Variants in FUNDC1 observed in about 807,000 individuals in gnomAD.
The protein encoded by FUNDC1 is FUN14 domain containing 1, also known as FUN14 domain-containing protein 1.
Under a neutral mutation model 14.5 loss-of-function variants are expected in FUNDC1, and 10 were observed. The ratio of observed to expected loss-of-function variants is 0.69; its 90% CI spans 0.43 to 1.17. The LOEUF is 1.17. FUNDC1 is among the 50% of genes most tolerant of loss of function. The pLI is 0.00. For synonymous variants in FUNDC1, 33 were observed against 39.7 expected (o/e 0.83, Z 0.64); for missense variants, 115 against 113.8 (o/e 1.01, Z -0.05).
In FUNDC1 at chrX:44,542,053, T is replaced by C; in HGVS notation, c.77A>G (p.Tyr26Cys). 1.7e-6 allele frequency: 2 copies of C among 1,205,098 alleles called. No individual in the cohort carries two copies. The highest frequency in any genetic ancestry group is 2.2e-6 in the Non-Finnish European group (2 of 889,982). Reference sequence around the variant, plus strand: ...ATTCCACCACTGGTGTCTTCTTGCATACTCAGTTAAATCCAACACTTCATA... The same window carrying C: ...ATTCCACCACTGGTGTCTTCTTGCACACTCAGTTAAATCCAACACTTCATA... The part of the protein sequence containing the change: ...DSYEVLDLTE[Y>C]ARRHQWWNRV... Residue 26 changes from tyrosine (Y) to cysteine (C), a missense_variant, in exon 2 of 5, where the codon TAT (tyrosine) becomes TGT (cysteine). Coordinates refer to ENST00000378045, the MANE Select transcript of FUNDC1 (RefSeq NM_173794.4).
intron 2 of FUNDC1, among the ~76,000 whole-genome samples, chrX:44,539,555 A>G (rs1241955630): frequency 8.9e-6 from 1 of 112,048 alleles, no homozygotes; most frequent in African/African-American, 3.2e-5. Context: ...AGAGAAACAT[A>G]AAACAGATTT....
chrX:44,540,414 T>TTGTGTG (rs367975882), intron 2 of FUNDC1, among the ~76,000 whole-genome samples: 4,771 of 96,553 alleles, frequency 0.049, 138 homozygotes, highest in Non-Finnish European at 0.073. Context: ...AATGTGTGTG[T>TTGTGTG]TGTGTGTGTG....
rs2038906432 is a variant in FUNDC1 at position 44,527,281 on chromosome X, G to A, written c.346C>T (p.Arg116Ter). 3.4e-6 allele frequency: 4 copies of A among 1,190,517 alleles called. No individual in the cohort carries two copies. Among genetic ancestry groups the A allele is most frequent in the Non-Finnish European group, 3.4e-6 (3 of 884,048 alleles). The change falls in exon 4 of 5, where the codon CGA (arginine) becomes TGA (stop). Residue 116 changes from arginine to a stop codon, truncating the protein, a stop_gained. Transcript: ENST00000378045. LOFTEE classifies it high-confidence loss of function. ...VNKAKRQIKK[R>*]ANKAAPEINN... Reference sequence around the variant, plus strand: ...ATTTCAGGTGCTGCTTTGTTCGCTCGTTTCTTAATCTGTCTTTTTGCTTTA... The same window carrying A: ...ATTTCAGGTGCTGCTTTGTTCGCTCATTTCTTAATCTGTCTTTTTGCTTTA...
At position 44,524,255 on chromosome X, in the gene FUNDC1, C is replaced by T. The variant is rs2038892588; in HGVS notation, c.411G>A (p.Gln137=). The change falls in exon 5 of 5, where the codon CAG becomes CAA. Residue 137 remains glutamine, a synonymous_variant. Transcript: ENST00000378045. Reference sequence around the variant, plus strand: ...CAAATCCACTGGATATCACAATGTTCTGCTTGATAAATTCTGTTGCCTGAA... The same window carrying T: ...CAAATCCACTGGATATCACAATGTTTTGCTTGATAAATTCTGTTGCCTGAA... ...LIEEATEFIK[Q]NIVISSGFVG... 3 of 1,203,234 alleles carry T rather than the reference C, an allele frequency of 2.5e-6. No homozygotes were observed. In the East Asian group the frequency reaches 8.9e-5, roughly 36 times the overall value.
At chrX:44,541,409 T>G (rs2038970810) in intron 2 of FUNDC1, among the ~76,000 whole-genome samples, 1 of 111,584 alleles carries the variant, frequency 9.0e-6, no homozygotes, top group Non-Finnish European at 1.9e-5. Flanking sequence ...AAACACAGAA[T>G]TAACGTTCTA....
chrX:44,538,045 G>A (rs1431475145), intron 3 of FUNDC1, among the ~76,000 whole-genome samples: 2 of 112,473 alleles, frequency 1.8e-5, no homozygotes, highest in African/African-American at 6.5e-5. Context: ...GCAATGGCAC[G>A]ATCTCGGCTC....
intron 3 of FUNDC1, among the ~76,000 whole-genome samples, chrX:44,530,979 C>T (rs1408862864): frequency 1.8e-5 from 2 of 109,881 alleles, no homozygotes; most frequent in East Asian, 5.7e-4. Context: ...CGGTTGCTCA[C>T]GCCTATAATC....
chrX:44,530,410 A>G (rs1028259151), intron 3 of FUNDC1, among the ~76,000 whole-genome samples: 2 of 110,888 alleles, frequency 1.8e-5, no homozygotes, highest in African/African-American at 6.6e-5. Context: ...GTTCAAGACC[A>G]GCCTGGCCAA....
intron 3 of FUNDC1, among the ~76,000 whole-genome samples, chrX:44,536,748 G>A (rs995709865): frequency 5.4e-5 from 6 of 111,517 alleles, no homozygotes; most frequent in Admixed American, 1.9e-4. Context: ...AAAAATGGGG[G>A]TAGTGAGAGA....
chrX:44,535,669 C>CAAAAA (rs1224864816), intron 3 of FUNDC1, among the ~76,000 whole-genome samples: 15 of 32,256 alleles, frequency 4.7e-4, no homozygotes, highest in African/African-American at 1.1e-3. Flanking sequence ...GACTCTGTCT[C>CAAAAA]AAAAAAAAAA....
chrX:44,542,460 G>A (rs191997359), intron 1 of FUNDC1, among the ~76,000 whole-genome samples: 135 of 111,228 alleles, frequency 1.2e-3, no homozygotes, highest in Non-Finnish European at 2.2e-3. Flanking sequence ...TGGGGGTGGG[G>A]AGGGGTCCTC....
At chrX:44,527,190 A>T (rs1166991782) in intron 4 of FUNDC1, 47 bp downstream of exon 4, 31 of 1,046,697 alleles carry the variant, frequency 3.0e-5, no homozygotes, top group Non-Finnish European at 3.8e-5. Flanking sequence ...CCCATTAACC[A>T]AAAAAAGGAA....
At chrX:44,539,675 A>T (rs73633295) in intron 2 of FUNDC1, among the ~76,000 whole-genome samples, 15,748 of 110,686 alleles carry the variant, frequency 0.14, 1,816 homozygotes, top group African/African-American at 0.38. Flanking sequence ...TTAATTAATT[A>T]ATTTATTTTT....
Position 44,541,648 on chromosome X carries a change from A to G in FUNDC1, c.185+297T>C, listed in dbSNP as rs532740832. 2.3e-3 allele frequency among the ~76,000 whole-genome samples: 252 copies of G among 111,599 alleles called. 1 individual carries two copies. The highest frequency in any genetic ancestry group is 4.6e-3 in the Middle Eastern group (1 of 219). ...ACTCATATATTTCTTCCTATCTACT[A>G]TCACTGAATCAGATCCACGACATTT... On this transcript the variant is annotated intron_variant, in intron 2 of 4. Transcript: ENST00000378045.
chrX:44,529,285 T>C (rs746290331), intron 3 of FUNDC1, among the ~76,000 whole-genome samples: 1 of 112,033 alleles, frequency 8.9e-6, no homozygotes, highest in East Asian at 2.8e-4. Flanking sequence ...TATTTTTACA[T>C]AGCCATTTGT....
chrX:44,524,790 C>T (rs997364948), intron 4 of FUNDC1, among the ~76,000 whole-genome samples: 1 of 111,280 alleles, frequency 9.0e-6, no homozygotes, highest in Non-Finnish European at 1.9e-5. Context: ...CTAGAGAACA[C>T]AGTCATGCCC....
At chrX:44,537,348 C>T (rs999166601) in intron 3 of FUNDC1, among the ~76,000 whole-genome samples, 2 of 111,911 alleles carry the variant, frequency 1.8e-5, no homozygotes, top group African/African-American at 6.5e-5. Flanking sequence ...GAAATGACAA[C>T]TGAGTCTTCA....
At chrX:44,533,650 C>CAAAACAA (rs1420752819) in intron 3 of FUNDC1, among the ~76,000 whole-genome samples, 3 of 71,089 alleles carry the variant, frequency 4.2e-5, no homozygotes, top group African/African-American at 1.8e-4. Flanking sequence ...AAAAAAAAAA[C>CAAAACAA]AACAAAACAA....
intron 4 of FUNDC1, among the ~76,000 whole-genome samples, chrX:44,524,945 C>T (rs1338093829): frequency 1.8e-5 from 2 of 111,005 alleles, no homozygotes; most frequent in African/African-American, 6.6e-5. Context: ...ACAGCAGGCA[C>T]AATGGTATTT....
Sources: allele counts gnomAD v4.1 joint callset (sites outside exome capture counted in the v4.1 genomes callset), GRCh38; gene constraint gnomAD v4.1.1; transcripts MANE v1.5; gene names NCBI Gene and HGNC (gene_info 2026-07-23, HGNC 2026-07-21).